The following TGDS variants were observed in gnomAD, a reference collection of about 807,000 sequenced individuals.
TGDS encodes TDP-glucose 4,6-dehydratase, also known as UDP-D-glucose 4,6-dehydratase.
A neutral mutation model predicts 52.3 loss-of-function variants in TGDS; 47 were observed. The ratio of observed to expected loss-of-function variants is 0.90; its 90% CI spans 0.71 to 1.15. The LOEUF (loss-of-function observed/expected upper bound fraction) is 1.15, where lower values mean the gene tolerates loss of function less well. Ranked by LOEUF, TGDS falls within the 50% of genes most tolerant of loss-of-function variation. The pLI is 0.00. For missense variants in TGDS, 375 were observed against 418.4 expected, an observed-to-expected ratio of 0.90 and a Z score of 0.90; for synonymous variants, 115 against 136.9, an observed-to-expected ratio of 0.84 and a Z score of 1.12.
At chr13:94,590,026 TA>T (rs1386381719) in intron 4 of TGDS, among the ~76,000 whole-genome samples, 2 of 75,128 alleles carry the variant, frequency 2.7e-5, no homozygotes, top group African/African-American at 1.5e-4. Flanking sequence ...GTATATTAAG[TA>T]AACTACTACA....
At chr13:94,587,929 A>G (rs1269309960) in intron 4 of TGDS, among the ~76,000 whole-genome samples, 15 of 147,812 alleles carry the variant, frequency 1.0e-4, no homozygotes, top group Non-Finnish European at 2.2e-4. Context: ...CCCAGGAGGC[A>G]GAGCTTGCAG....
rs2139508704 is a variant in TGDS, at chr13:94,574,257, A to G, written c.*525T>C. ...ACTTTACACACTTCTCTTAAAAAGCATTCAACGTAATCAATTTTACAAAAT... is the reference window on the plus strand; with the variant it reads ...ACTTTACACACTTCTCTTAAAAAGCGTTCAACGTAATCAATTTTACAAAAT... On this transcript the variant is annotated 3_prime_UTR_variant, in exon 12 of 12. Coordinates refer to ENST00000261296, the MANE Select transcript of TGDS (RefSeq NM_014305.4). 1 of 152,370 alleles carries G rather than the reference A, an allele frequency of 6.6e-6. No homozygotes were observed. Among genetic ancestry groups the G allele is most frequent in the African/African-American group, 2.4e-5 (1 of 41,582 alleles). 9.4% of individuals were successfully genotyped at this position (152,370 alleles called of 1,614,324 possible).
At chr13:94,595,892 G>A in intron 1 of TGDS, 159 bp downstream of exon 1, 1 of 765,322 alleles carries the variant, frequency 1.3e-6, no homozygotes, top group Non-Finnish European at 2.2e-6. Context: ...TTGCAGGCCA[G>A]AGAGAGAAAA....
chr13:94,574,168 A>G lies in TGDS; in HGVS notation c.*614T>C, dbSNP rs1490549591. On this transcript the variant is annotated 3_prime_UTR_variant, in exon 12 of 12. Coordinates refer to ENST00000261296, the MANE Select transcript of TGDS (RefSeq NM_014305.4). ...ACAATTTTATAAATACAATCATTTT[A>G]AACAGTAAACATGATAAATTTCTGA... is the stretch of plus-strand genomic sequence containing the variant. 1 of 152,222 alleles carries G rather than the reference A, an allele frequency of 6.6e-6. No individual in the cohort carries two copies. Among genetic ancestry groups the G allele is most frequent in the Non-Finnish European group, 1.5e-5 (1 of 68,046 alleles). The allele number at this position is 152,222 out of a possible 1,614,324, so 9.4% of individuals were successfully genotyped here. A position where few individuals can be genotyped will look rare whatever the true frequency, so the allele number is the denominator to read the frequency against.
Position 94,596,112 on chromosome 13 carries a change from G to A in TGDS, c.25C>T (p.Pro9Ser), listed in dbSNP as rs202097673. MSAACWEE[P>S]WGLPGGFAKR... ...GCAAAGCCGCCGGGAAGACCCCACGGTTCCTCCCAACACGCCGCCGACATC... is the reference window on the plus strand; with the variant it reads ...GCAAAGCCGCCGGGAAGACCCCACGATTCCTCCCAACACGCCGCCGACATC... Residue 9 changes from proline to serine, a missense_variant, in exon 1 of 12, where the codon CCG becomes TCG. Transcript: ENST00000261296. 105 of 1,613,992 alleles carry A rather than the reference G, an allele frequency of 6.5e-5. No individual in the cohort carries two copies. The highest frequency in any genetic ancestry group is 3.3e-4 in the Middle Eastern group (2 of 6,084).
At chr13:94,588,851 CA>C (rs2139537501) in intron 4 of TGDS, among the ~76,000 whole-genome samples, 1 of 152,146 alleles carries the variant, frequency 6.6e-6, no homozygotes, top group African/African-American at 2.4e-5. Flanking sequence ...TGAAGAGAGA[CA>C]GAGATACAAA....
At chr13:94,591,686 TTTAA>T (rs1338769332) in intron 3 of TGDS, among the ~76,000 whole-genome samples, 4 of 152,340 alleles carry the variant, frequency 2.6e-5, no homozygotes, top group African/African-American at 9.6e-5. Flanking sequence ...TATATGTACA[TTTAA>T]TTATTCTAAA....
intron 3 of TGDS, 85 bp from the exon 4 acceptor site, chr13:94,591,028 C>G: frequency 1.2e-6 from 1 of 848,360 alleles, no homozygotes; most frequent in Non-Finnish European, 1.8e-6. Flanking sequence ...ATCCCCCTAC[C>G]TCCCACCTCC....
rs1176885204 is a variant in TGDS at position 94,583,249 on chromosome 13, A to C, written c.314-13T>G. ...ACGAATGAAAGATCTAAAAGAAAAG[A>C]GTGAAAAGCTAAAACAAGTCTACCC... On this transcript the variant is annotated splice_polypyrimidine_tract_variant and intron_variant, in intron 4 of 11. Transcript: ENST00000261296. The C allele has an allele frequency of 1.2e-6, 2 of 1,609,686 alleles. No homozygotes were observed. Among genetic ancestry groups the C allele is most frequent in the Admixed American group, 1.7e-5 (1 of 59,242 alleles).
chr13:94,585,323 C>T (rs1371242058), intron 4 of TGDS, among the ~76,000 whole-genome samples: 3 of 152,050 alleles, frequency 2.0e-5, no homozygotes, highest in Admixed American at 6.5e-5. Flanking sequence ...GTTGGGATTA[C>T]AGGCGTGAGC....
At position 94,574,771 on chromosome 13, in the gene TGDS, A is replaced by G. The variant is rs1467909368; in HGVS notation, c.*11T>C. 6.3e-7 allele frequency: 1 copy of G among 1,576,188 alleles called. No individual in the cohort carries two copies. The highest frequency in any genetic ancestry group is 1.4e-5 in the African/African-American group (1 of 73,974). The stretch of plus-strand genomic sequence containing the variant: ...CTTCTTTGACAACTGTCTCGACTAT[A>G]TAAATGGTGATTATACCGGAAAGGG... On this transcript the variant is annotated 3_prime_UTR_variant, in exon 12 of 12. Transcript: ENST00000261296.
chr13:94,592,801 T>C (rs1889251239), intron 2 of TGDS, among the ~76,000 whole-genome samples: 1 of 152,188 alleles, frequency 6.6e-6, no homozygotes. Flanking sequence ...AAGTAATTGT[T>C]ACCTTTTCAA....
chr13:94,580,127 G>A (rs889065076), intron 6 of TGDS, among the ~76,000 whole-genome samples, 174 bp from the exon 7 acceptor site: 2 of 152,132 alleles, frequency 1.3e-5, no homozygotes, highest in Admixed American at 1.3e-4. Flanking sequence ...GAGAGAATAG[G>A]ATTCAGATAA....
Position 94,574,407 on chromosome 13 carries a change from G to A in TGDS, c.*375C>T, listed in dbSNP as rs760533596. ...AAGACATCCTATATTGCCTAAAAAC[G>A]AACATTTCAGAGACTTTCTTAGGCA... On this transcript the variant is annotated 3_prime_UTR_variant, in exon 12 of 12. Coordinates refer to ENST00000261296, the MANE Select transcript of TGDS (RefSeq NM_014305.4). 3.0e-5 allele frequency: 5 copies of A among 165,680 alleles called. No homozygotes were observed. The highest frequency in any genetic ancestry group is 7.1e-5 in the African/African-American group (3 of 42,014). 10.3% of individuals were successfully genotyped at this position (165,680 alleles called of 1,614,324 possible). A position where few individuals can be genotyped will look rare whatever the true frequency, so the allele number is the denominator to read the frequency against.
chr13:94,584,079 T>A (rs1177494276), intron 4 of TGDS, among the ~76,000 whole-genome samples: 2 of 152,104 alleles, frequency 1.3e-5, no homozygotes, highest in Non-Finnish European at 2.9e-5. Context: ...AAAAGACACT[T>A]TGTACACTGA....
Position 94,578,981 on chromosome 13 carries a change from T to C in TGDS, c.616-208A>G, listed in dbSNP as rs9561636. Among the ~76,000 whole-genome samples the C allele has an allele frequency of 0.2, 30,273 of 152,136 alleles. 3,773 individuals are homozygous for C. The highest frequency in any genetic ancestry group is 0.39 in the East Asian group (2,005 of 5,174). ...TTCATAAAGACAGGTTACTTGAAGA[T>C]AAAATGATCTAAATAGGGGAAAAAT... is the stretch of plus-strand genomic sequence containing the variant. On this transcript the variant is annotated intron_variant, in intron 7 of 11. Transcript: ENST00000261296.
chr13:94,595,408 T>A (rs1167286363), intron 1 of TGDS, among the ~76,000 whole-genome samples: 1 of 152,194 alleles, frequency 6.6e-6, no homozygotes, highest in African/African-American at 2.4e-5. Context: ...AACACTGACT[T>A]GTATGTGAGC....
intron 2 of TGDS, among the ~76,000 whole-genome samples, chr13:94,592,513 C>T (rs574439992): frequency 4.6e-5 from 7 of 152,204 alleles, no homozygotes; most frequent in East Asian, 1.9e-4. Context: ...AGTGCAGTGG[C>T]GCAATCTCTG....
At chr13:94,588,701 T>C (rs1889088487) in intron 4 of TGDS, among the ~76,000 whole-genome samples, 1 of 152,168 alleles carries the variant, frequency 6.6e-6, no homozygotes, top group Non-Finnish European at 1.5e-5. Context: ...ACAGCAAGTG[T>C]TGGCAAGCAT....
Sources: allele counts gnomAD v4.1 joint callset (sites outside exome capture counted in the v4.1 genomes callset), GRCh38; gene constraint gnomAD v4.1.1; transcripts MANE v1.5; gene names NCBI Gene and HGNC (gene_info 2026-07-23, HGNC 2026-07-21).